The following ARFGEF1 variants were observed in gnomAD, a reference collection of about 807,000 sequenced individuals.
ARFGEF1 encodes the protein ARF guanine nucleotide exchange factor 1.
ARFGEF1 carries 42 observed loss-of-function variants against 231.0 expected under a neutral mutation model. The observed-to-expected ratio is 0.18, with a 90% CI of 0.14 to 0.24. ARFGEF1 has a LOEUF of 0.24. Ranked by LOEUF, ARFGEF1 falls within the 10% of genes least tolerant of loss-of-function variation. ARFGEF1 has a pLI of 1.00. For missense variants in ARFGEF1, 1,345 were observed against 2,192.0 expected, an observed-to-expected ratio of 0.61 and a Z score of 7.72; for synonymous variants, 710 against 732.3, an observed-to-expected ratio of 0.97 and a Z score of 0.49.
intron 5 of ARFGEF1, among the ~76,000 whole-genome samples, chr8:67,191,218 G>A (rs949716223): frequency 3.3e-5 from 5 of 152,212 alleles, no homozygotes; most frequent in African/African-American, 1.2e-4. Context: ...AATATAGCCA[G>A]TAAAAAGTAG....
chr8:67,327,396 C>T (rs574270935), intron 1 of ARFGEF1, among the ~76,000 whole-genome samples: 1 of 150,864 alleles, frequency 6.6e-6, no homozygotes, highest in African/African-American at 2.4e-5. Context: ...CGGCTCACTG[C>T]AACCTTCGCC....
rs1838392022 is a variant in ARFGEF1 at position 67,203,099 on chromosome 8, A to G, written c.5112T>C (p.Thr1704=). 1 of 1,613,594 alleles carries G rather than the reference A, an allele frequency of 6.2e-7. No homozygotes were observed. The highest frequency in any genetic ancestry group is 1.3e-5 in the African/African-American group (1 of 74,922). Residue 1704 remains threonine (T), a synonymous_variant, in exon 36 of 39, where the codon ACT becomes ACC. Coordinates refer to ENST00000262215, the MANE Select transcript of ARFGEF1 (RefSeq NM_006421.5). ...GCAGCTTACCTGCTTTCCACAGGGCAGTCCTCTGTTCGTTGTTGGAATTAA... is the reference window on the plus strand; with the variant it reads ...GCAGCTTACCTGCTTTCCACAGGGCGGTCCTCTGTTCGTTGTTGGAATTAA... The part of the protein sequence containing the change: ...KAFNSNNEQR[T]ALWKAGFKGK...
chr8:67,201,787 C>G, intron 36 of ARFGEF1, 182 bp from the exon 37 acceptor site: 1 of 743,914 alleles, frequency 1.3e-6, no homozygotes, highest in East Asian at 3.1e-5. Context: ...CCTATTCAAG[C>G]TGGGGATATG....
intron 10 of ARFGEF1, among the ~76,000 whole-genome samples, chr8:67,271,221 AG>A (rs1805085507): frequency 6.6e-6 from 1 of 152,054 alleles, no homozygotes; most frequent in African/African-American, 2.4e-5. Context: ...TTAAAAAAAA[AG>A]TACAAAGCAA....
At chr8:67,324,061 A>G (rs1246866247) in intron 1 of ARFGEF1, among the ~76,000 whole-genome samples, 1 of 152,146 alleles carries the variant, frequency 6.6e-6, no homozygotes, top group African/African-American at 2.4e-5. Context: ...TCGGCCTCCC[A>G]AAGTGCTGGG....
At chr8:67,253,340 T>A in intron 18 of ARFGEF1, 111 bp downstream of exon 18, 1 of 666,056 alleles carries the variant, frequency 1.5e-6, no homozygotes, top group East Asian at 3.1e-5. Context: ...CCTCCCTGAG[T>A]AGCTGGGGAC....
intron 1 of ARFGEF1, among the ~76,000 whole-genome samples, chr8:67,325,752 T>C (rs916817497): frequency 1.2e-4 from 19 of 152,196 alleles, no homozygotes; most frequent in Admixed American, 1.0e-3. Flanking sequence ...AGGAAGACTT[T>C]TGAGAAATTT....
chr8:67,277,103 GA>G (rs534996616), intron 8 of ARFGEF1, among the ~76,000 whole-genome samples, 178 bp downstream of exon 8: 1 of 151,824 alleles, frequency 6.6e-6, no homozygotes, highest in Admixed American at 6.6e-5. Flanking sequence ...ATATGAAGGG[GA>G]AAAAATCGCT....
Position 67,339,105 on chromosome 8 carries a change from T to G in ARFGEF1, c.124+4059A>C, listed in dbSNP as rs77797644. ...ATTGTATCTCTGGATGAAACTATAA[T>G]TACAGGTAATAGACTCTTATATAAG... On this transcript the variant is annotated intron_variant, in intron 1 of 38. Coordinates refer to ENST00000262215, the MANE Select transcript of ARFGEF1 (RefSeq NM_006421.5). 3.7e-3 allele frequency among the ~76,000 whole-genome samples: 561 copies of G among 152,306 alleles called. 8 individuals are homozygous for G. Among genetic ancestry groups the G allele is most frequent in the African/African-American group, 0.013 (530 of 41,560 alleles).
intron 3 of ARFGEF1, among the ~76,000 whole-genome samples, chr8:67,299,847 A>G (rs892977215): frequency 1.3e-5 from 2 of 152,136 alleles, no homozygotes; most frequent in African/African-American, 4.8e-5. Flanking sequence ...ACATGCCTAT[A>G]GTCCCAGCTA....
chr8:67,228,209 A>C lies in ARFGEF1; in HGVS notation c.3421+15T>G. ...CCCAAGCCAGTTCCGAAGTAGAATA[A>C]ATGCCCATACTTACCAATGGCATTT... On this transcript the variant is annotated intron_variant, in intron 24 of 38. Coordinates refer to ENST00000262215, the MANE Select transcript of ARFGEF1 (RefSeq NM_006421.5). 6.2e-7 allele frequency: 1 copy of C among 1,610,360 alleles called. No individual in the cohort carries two copies. Among genetic ancestry groups the C allele is most frequent in the Non-Finnish European group, 8.5e-7 (1 of 1,178,274 alleles).
intron 1 of ARFGEF1, among the ~76,000 whole-genome samples, chr8:67,315,274 A>C (rs1160611402): frequency 4.6e-5 from 7 of 152,232 alleles, no homozygotes; most frequent in Admixed American, 4.6e-4. Context: ...AAATGGATAG[A>C]ACTAAAAGGA....
intron 1 of ARFGEF1, among the ~76,000 whole-genome samples, chr8:67,321,428 A>C (rs1206576779): frequency 2.8e-4 from 43 of 152,138 alleles, no homozygotes; most frequent in Admixed American, 2.5e-3. Flanking sequence ...GTATTTGTAT[A>C]GCCAAGGATG....
chr8:67,229,482 A>G (rs1046622176), intron 23 of ARFGEF1, among the ~76,000 whole-genome samples: 1 of 152,120 alleles, frequency 6.6e-6, no homozygotes, highest in East Asian at 1.9e-4. Flanking sequence ...GGGTAACATG[A>G]TGACTCAGAA....
intron 26 of ARFGEF1, 55 bp downstream of exon 26, chr8:67,227,392 G>A: frequency 6.3e-7 from 1 of 1,597,766 alleles, no homozygotes; most frequent in Admixed American, 1.7e-5. Context: ...TTTTCTCCCT[G>A]CTGTGGAAAA....
chr8:67,280,378 G>C (rs1379160407), intron 7 of ARFGEF1, among the ~76,000 whole-genome samples: 1 of 152,178 alleles, frequency 6.6e-6, no homozygotes, highest in Non-Finnish European at 1.5e-5. Flanking sequence ...AACATAACAA[G>C]TAGGCCAGGA....
At chr8:67,268,108 ATGAC>A (rs1330258433) in intron 10 of ARFGEF1, among the ~76,000 whole-genome samples, 3 of 152,216 alleles carry the variant, frequency 2.0e-5, no homozygotes, top group Admixed American at 2.0e-4. Context: ...TTAAGAAGGA[ATGAC>A]TGAAACAACC....
chr8:67,299,461 T>A (rs886124367), intron 3 of ARFGEF1, 106 bp from the exon 4 acceptor site: 45 of 901,188 alleles, frequency 5.0e-5, no homozygotes, highest in African/African-American at 2.2e-4. Flanking sequence ...ATACATAAAA[T>A]TTTTACACAA....
At chr8:67,305,745 C>T (rs778325296) in intron 1 of ARFGEF1, among the ~76,000 whole-genome samples, 10 of 152,198 alleles carry the variant, frequency 6.6e-5, no homozygotes, top group Non-Finnish European at 1.3e-4. Flanking sequence ...AAATATCATT[C>T]TACAATTATC....
Sources: gnomAD v4.1 joint callset for allele counts (sites outside exome capture counted in the v4.1 genomes callset) on GRCh38, gnomAD v4.1.1 for gene constraint, MANE v1.5 for transcripts, NCBI Gene and HGNC (gene_info 2026-07-23, HGNC 2026-07-21) for gene names.